The following TBCD variants were observed in gnomAD, a reference collection of about 807,000 sequenced individuals.
TBCD encodes tubulin folding cofactor D.
A neutral mutation model predicts 169.3 loss-of-function variants in TBCD; 105 were observed. The ratio of observed to expected loss-of-function variants is 0.62; its 90% CI spans 0.53 to 0.73. The LOEUF is 0.73. Among genes scored for constraint, TBCD ranks in the 30% least tolerant of loss-of-function variants. The pLI is 0.00. For synonymous variants in TBCD, 700 were observed against 643.9 expected, an observed-to-expected ratio of 1.09 and a Z score of -1.32; for missense variants, 1,444 against 1,600.1, an observed-to-expected ratio of 0.90 and a Z score of 1.66.
rs2048135907 is a variant in TBCD at position 82,768,421 on chromosome 17, C to T, written c.437C>T (p.Ala146Val). Residue 146 changes from alanine to valine, a missense_variant and splice_region_variant, in exon 5 of 39, where the codon GCT (alanine) becomes GTT (valine). Physicochemically the swap from Ala to Val is moderately conservative, Grantham distance 64. Coordinates refer to ENST00000355528, the MANE Select transcript of TBCD (RefSeq NM_005993.5). ...TCTTCCCGTGGTTTAATTTTTTAGG[C>T]TTGGGAAACCCGCTACATGCTTTTG... ...VTIQNPKDHE[A>V]WETRYMLLLW... The T allele has an allele frequency of 6.2e-7, 1 of 1,613,686 alleles. No homozygotes were observed. Among genetic ancestry groups the T allele is most frequent in the Non-Finnish European group, 8.5e-7 (1 of 1,179,746 alleles).
At chr17:82,850,415 G>GTCC (rs2055672695) in intron 13 of TBCD, among the ~76,000 whole-genome samples, 7 of 138,700 alleles carry the variant, frequency 5.0e-5, no homozygotes, top group African/African-American at 1.6e-4. Flanking sequence ...GTTGTTGGCT[G>GTCC]TGCTGTTGGC....
rs1256157090 is a variant in TBCD at position 82,835,990 on chromosome 17, C to G, written c.1318+21056C>G. On this transcript the variant is annotated intron_variant, in intron 13 of 38. Transcript: ENST00000355528. This position sits in a 1 kb window ranked among gnomAD's most constrained non-coding sequence, Gnocchi z 4.5. ...TGGGCTCAGACCCCGCGCTCAGCACCCGTCTCCCACCGTGGGCTGCCACAG... is the reference window on the plus strand; with the variant it reads ...TGGGCTCAGACCCCGCGCTCAGCACGCGTCTCCCACCGTGGGCTGCCACAG... 6.6e-6 allele frequency among the ~76,000 whole-genome samples: 1 copy of G among 152,160 alleles called. No individual in the cohort carries two copies. The highest frequency in any genetic ancestry group is 1.5e-5 in the Non-Finnish European group (1 of 68,032).
rs766139366 is a variant in TBCD, at chr17:82,939,364, C to A, written c.3370-3C>A. ...CGGCAAATGCACTGCATCCCTGTCC[C>A]AGATCCGGAAGACCACGGCCAGCCA... is the stretch of plus-strand genomic sequence containing the variant. On this transcript the variant is annotated splice_polypyrimidine_tract_variant and splice_region_variant and intron_variant, in intron 36 of 38. Transcript: ENST00000355528. 2.5e-6 allele frequency: 4 copies of A among 1,609,584 alleles called. No homozygotes were observed. The highest frequency in any genetic ancestry group is 3.4e-6 in the Non-Finnish European group (4 of 1,178,634).
chr17:82,875,097 A>T (rs2057873690), intron 14 of TBCD, among the ~76,000 whole-genome samples: 1 of 152,200 alleles, frequency 6.6e-6, no homozygotes, highest in African/African-American at 2.4e-5. Flanking sequence ...GCTTTTTGCT[A>T]AAGAAACTTG....
chr17:82,855,234 G>C (rs865964532), intron 13 of TBCD, among the ~76,000 whole-genome samples: 956 of 77,090 alleles, frequency 0.012, 16 homozygotes, highest in African/African-American at 0.041. Flanking sequence ...AAAGGTGTTT[G>C]CTTTTTTTTT....
In TBCD at chr17:82,831,319, C is replaced by G. The variant is rs750978958; in HGVS notation, c.1318+16385C>G. On this transcript the variant is annotated intron_variant, in intron 13 of 38. Transcript: ENST00000355528. The surrounding 1 kb of genome is among the most constrained non-coding windows in gnomAD (Gnocchi z 4.6). ...GGAGTCTTTAGCCTCAGGAATTGGA[C>G]TTTCGAACTCGACGTGTTTTCTGTT... 8 of 1,613,920 alleles carry G rather than the reference C, an allele frequency of 5.0e-6. No homozygotes were observed. The South Asian group carries it at 6.6e-5, about 13-fold the overall frequency.
At position 82,915,713 on chromosome 17, in the gene TBCD, T is replaced by C. The variant is rs1439240833; in HGVS notation, c.2038+3924T>C. ...GCAGGGGCCGGGAGGAAGGGGGTCATCTGGCTCACAGCCTTGCACCAGAGG... is the reference window on the plus strand; with the variant it reads ...GCAGGGGCCGGGAGGAAGGGGGTCACCTGGCTCACAGCCTTGCACCAGAGG... On this transcript the variant is annotated intron_variant, in intron 23 of 38. Coordinates refer to ENST00000355528, the MANE Select transcript of TBCD (RefSeq NM_005993.5). This position sits in a 1 kb window ranked among gnomAD's most constrained non-coding sequence, Gnocchi z 4.3. Among the ~76,000 whole-genome samples, 1 of 152,186 alleles carries C rather than the reference T, an allele frequency of 6.6e-6. No homozygotes were observed. The highest frequency in any genetic ancestry group is 1.5e-5 in the Non-Finnish European group (1 of 68,036).
chr17:82,800,947 G>A lies in TBCD; in HGVS notation c.901G>A (p.Val301Met). 1 of 1,612,342 alleles carries A rather than the reference G, an allele frequency of 6.2e-7. No individual in the cohort carries two copies. Among genetic ancestry groups the A allele is most frequent in the Non-Finnish European group, 8.5e-7 (1 of 1,179,470 alleles). The change falls in exon 9 of 39, where the codon GTG becomes ATG. Residue 301 changes from valine to methionine, a missense_variant. Physicochemically the swap from Val to Met is conservative, Grantham distance 21. Transcript: ENST00000355528. ...GCTGCGGAAGCTGGGGGTGAAGCTT[G>A]TGCAGCGACTGGGGCTGACATTCCT... is the stretch of plus-strand genomic sequence containing the variant. ...TLLRKLGVKL[V>M]QRLGLTFLKP...
At chr17:82,830,003 GTTT>G in intron 13 of TBCD, 4 of 1,328,054 alleles carry the variant, frequency 3.0e-6, no homozygotes, top group Non-Finnish European at 4.1e-6. Context: ...TTTTTTGTTT[GTTT>G]GTTTGTTTGT....
chr17:82,752,217 C>T lies in TBCD; in HGVS notation c.24C>T (p.Ala8=), dbSNP rs1230793692. 6.6e-7 allele frequency: 1 copy of T among 1,523,722 alleles called. No individual in the cohort carries two copies. The highest frequency in any genetic ancestry group is 8.8e-7 in the Non-Finnish European group (1 of 1,138,352). The allele number at this position is 1,523,722 out of a possible 1,614,324, so 94.4% of individuals were successfully genotyped here. A position where few individuals can be genotyped will look rare whatever the true frequency, so the allele number is the denominator to read the frequency against. Residue 8 remains alanine, a synonymous_variant, in exon 1 of 39, where the codon GCC becomes GCT. Coordinates refer to ENST00000355528, the MANE Select transcript of TBCD (RefSeq NM_005993.5). ...AGATGGCCCTGAGCGACGAACCGGC[C>T]GCGGGCGGCCCCGAGGAGGAGGCGG... MALSDEP[A]AGGPEEEAED... is the part of the protein sequence containing the mutation.
chr17:82,914,421 C>A (rs148214341), intron 23 of TBCD, among the ~76,000 whole-genome samples: 1 of 152,124 alleles, frequency 6.6e-6, no homozygotes, highest in Non-Finnish European at 1.5e-5. Context: ...TGGGGGGCAT[C>A]GTGGAGAAGG....
chr17:82,849,643 A>G (rs1316187403), intron 13 of TBCD, among the ~76,000 whole-genome samples: 1 of 152,190 alleles, frequency 6.6e-6, no homozygotes, highest in Non-Finnish European at 1.5e-5. Context: ...TAAACTGAGA[A>G]TCCTCGTGGT....
intron 28 of TBCD, 99 bp from the exon 29 acceptor site, chr17:82,927,087 C>A (rs146100745): frequency 6.5e-7 from 1 of 1,535,930 alleles, no homozygotes; most frequent in Non-Finnish European, 8.9e-7. Flanking sequence ...CTGTTCTGAG[C>A]GTGTCTTCTC....
chr17:82,820,023 G>C (rs2052282937), intron 13 of TBCD, among the ~76,000 whole-genome samples: 1 of 150,942 alleles, frequency 6.6e-6, no homozygotes, highest in Non-Finnish European at 1.5e-5. Flanking sequence ...CTGTTGCCCA[G>C]GCTGGAGTGC....
chr17:82,910,556 T>A (rs1409191052), intron 22 of TBCD, among the ~76,000 whole-genome samples: 4 of 152,128 alleles, frequency 2.6e-5, no homozygotes, highest in Non-Finnish European at 5.9e-5. Context: ...GGTTCACTTT[T>A]CTTTTCTCTT....
At chr17:82,911,863 G>A (rs1006903124) in intron 23 of TBCD, 74 bp downstream of exon 23, 127 of 1,542,020 alleles carry the variant, frequency 8.2e-5, no homozygotes, top group Middle Eastern at 3.6e-4. Flanking sequence ...TGCTCGTGGC[G>A]TGCAGGGCGG....
At chr17:82,764,474 G>GT (rs2143962458) in intron 3 of TBCD, among the ~76,000 whole-genome samples, 1 of 152,188 alleles carries the variant, frequency 6.6e-6, no homozygotes, top group African/African-American at 2.4e-5. Context: ...GTGAAACCCC[G>GT]TCTCTACTAA....
At position 82,752,170 on chromosome 17, in the gene TBCD, G is replaced by T. The variant is rs780046969; in HGVS notation, c.-24G>T. On this transcript the variant is annotated 5_prime_UTR_variant, in exon 1 of 39. Transcript: ENST00000355528. ...TGGGATCTGCGAACACGTGAGGCGGGGGCGCGGTCCCCAGGCTGCCGAGAT... is the reference window on the plus strand; with the variant it reads ...TGGGATCTGCGAACACGTGAGGCGGTGGCGCGGTCCCCAGGCTGCCGAGAT... 4.0e-6 allele frequency: 6 copies of T among 1,501,838 alleles called. No individual in the cohort carries two copies. The South Asian group carries it at 7.6e-5, about 19-fold the overall frequency. The allele number at this position is 1,501,838 out of a possible 1,614,324, so 93.0% of individuals were successfully genotyped here. A position where few individuals can be genotyped will look rare whatever the true frequency, so the allele number is the denominator to read the frequency against.
rs1246863856 is a variant in TBCD, at chr17:82,830,547, A to C, written c.1318+15613A>C. ...CAGGGTGGCTGGGCCCATCCTCAGA[A>C]CCTTCTGTCCCAGTCTTCTGTGGAA... On this transcript the variant is annotated intron_variant, in intron 13 of 38. Coordinates refer to ENST00000355528, the MANE Select transcript of TBCD (RefSeq NM_005993.5). 1.9e-6 allele frequency: 3 copies of C among 1,613,944 alleles called. No individual in the cohort carries two copies. The South Asian group carries it at 3.3e-5, about 18-fold the overall frequency.
Sources: gnomAD v4.1 joint callset for allele counts (sites outside exome capture counted in the v4.1 genomes callset) on GRCh38, gnomAD v4.1.1 for gene constraint, Gnocchi (gnomAD v3.1) non-coding constraint, MANE v1.5 for transcripts, NCBI Gene and HGNC (gene_info 2026-07-23, HGNC 2026-07-21) for gene names.